CALN1: variants seen among roughly 807,000 people sequenced by gnomAD.
CALN1 encodes the protein calcium-binding protein 8.
Under a neutral mutation model 30.6 loss-of-function variants are expected in CALN1, and 17 were observed. The ratio of observed to expected loss-of-function variants is 0.56; its 90% CI spans 0.38 to 0.83. The LOEUF (loss-of-function observed/expected upper bound fraction) is 0.83. Among genes scored for constraint, CALN1 ranks in the 40% least tolerant of loss-of-function variants. The pLI is 0.00. For missense variants in CALN1, 291 were observed against 354.9 expected, an observed-to-expected ratio of 0.82 and a Z score of 1.45; for synonymous variants, 156 against 131.4, an observed-to-expected ratio of 1.19 and a Z score of -1.28.
chr7:71,930,013 T>TTA (rs1418068729), intron 5 of CALN1, among the ~76,000 whole-genome samples: 4 of 152,226 alleles, frequency 2.6e-5, no homozygotes, highest in African/African-American at 9.7e-5. Flanking sequence ...TACGCACATG[T>TTA]TCCTGTATAC....
intron 5 of CALN1, among the ~76,000 whole-genome samples, chr7:71,850,182 G>A (rs1201989160): frequency 6.6e-6 from 1 of 152,196 alleles, no homozygotes; most frequent in Admixed American, 6.5e-5. Context: ...TATATCAAGA[G>A]ATCTGAGTGC....
chr7:72,022,963 C>T (rs903575077), intron 5 of CALN1, among the ~76,000 whole-genome samples: 3 of 148,638 alleles, frequency 2.0e-5, no homozygotes, highest in Admixed American at 6.7e-5. Context: ...AAAAATCATG[C>T]TGTGTCTGAA....
intron 5 of CALN1, among the ~76,000 whole-genome samples, chr7:71,928,168 G>C (rs531326334): frequency 1.3e-5 from 2 of 152,292 alleles, no homozygotes; most frequent in South Asian, 4.1e-4. Flanking sequence ...TTTCTTGTGA[G>C]TGCACAACGG....
chr7:72,231,630 T>G (rs1794106928), intron 3 of CALN1, among the ~76,000 whole-genome samples: 1 of 152,124 alleles, frequency 6.6e-6, no homozygotes, highest in South Asian at 2.1e-4. Flanking sequence ...GATATTTTAT[T>G]GCTATTGTTG....
chr7:72,314,180 C>A (rs1484434455), intron 2 of CALN1, among the ~76,000 whole-genome samples: 1 of 152,132 alleles, frequency 6.6e-6, no homozygotes, highest in Admixed American at 6.5e-5. Flanking sequence ...GGGCCCTCTG[C>A]CACCATCCCC....
chr7:71,943,256 C>T (rs1419458331), intron 5 of CALN1, among the ~76,000 whole-genome samples: 4 of 152,190 alleles, frequency 2.6e-5, no homozygotes, highest in Non-Finnish European at 5.9e-5. Context: ...TTAAAACACA[C>T]ACGCGAAACA....
chr7:72,168,241 A>C (rs1360657116), intron 3 of CALN1, among the ~76,000 whole-genome samples: 1 of 152,216 alleles, frequency 6.6e-6, no homozygotes, highest in Non-Finnish European at 1.5e-5. Context: ...AGCAAAAAAA[A>C]AAAAAAAGAA....
chr7:72,477,300 G>A, the CALN1 span, among the ~76,000 whole-genome samples: 1 of 152,178 alleles, frequency 6.6e-6, no homozygotes. Context: ...TTGTATTAGG[G>A]GAGCAAAGAA....
chr7:71,878,312 G>A (rs1022029555), intron 5 of CALN1, among the ~76,000 whole-genome samples: 5 of 151,886 alleles, frequency 3.3e-5, no homozygotes, highest in Non-Finnish European at 7.4e-5. Flanking sequence ...GGAGGCAGGA[G>A]AATTGCCTGA....
chr7:72,110,739 A>G (rs576260414), intron 3 of CALN1, among the ~76,000 whole-genome samples: 1 of 152,078 alleles, frequency 6.6e-6, no homozygotes, highest in Non-Finnish European at 1.5e-5. Context: ...GGGAGAGTTA[A>G]TGTTTCTAGG....
At chr7:71,798,007 G>A (rs1458760132) in intron 6 of CALN1, among the ~76,000 whole-genome samples, 1 of 151,486 alleles carries the variant, frequency 6.6e-6, no homozygotes, top group East Asian at 2.0e-4. Context: ...GAGCTAACAG[G>A]GAGTTAAAAA....
At chr7:72,080,497 A>C (rs1485965064) in intron 4 of CALN1, among the ~76,000 whole-genome samples, 2 of 152,202 alleles carry the variant, frequency 1.3e-5, no homozygotes, top group African/African-American at 4.8e-5. Context: ...GGGATGGCAC[A>C]TAGAGGGTGT....
At chr7:72,370,477 A>T (rs865807904) in intron 2 of CALN1, among the ~76,000 whole-genome samples, 53 of 151,654 alleles carry the variant, frequency 3.5e-4, no homozygotes, top group African/African-American at 1.2e-3. Flanking sequence ...ACACGGTAAA[A>T]CCCCGTCTCT....
At chr7:72,434,615 G>A (rs1013338046) in intron 1 of CALN1, among the ~76,000 whole-genome samples, 1 of 152,094 alleles carries the variant, frequency 6.6e-6, no homozygotes, top group African/African-American at 2.4e-5. Flanking sequence ...AATTTACAAA[G>A]AATGGTAGAA....
chr7:72,281,894 G>A (rs1797754312), intron 2 of CALN1, among the ~76,000 whole-genome samples: 1 of 152,056 alleles, frequency 6.6e-6, no homozygotes, highest in African/African-American at 2.4e-5. Flanking sequence ...AGAGAAAACT[G>A]GTCACAACTG....
At chr7:72,251,906 C>G (rs2129552126) in intron 3 of CALN1, among the ~76,000 whole-genome samples, 1 of 152,158 alleles carries the variant, frequency 6.6e-6, no homozygotes, top group South Asian at 2.1e-4. Flanking sequence ...TTGCATGTGA[C>G]TCTACACACA....
chr7:71,920,703 T>A (rs1794901108), intron 5 of CALN1, among the ~76,000 whole-genome samples: 2 of 152,276 alleles, frequency 1.3e-5, no homozygotes, highest in South Asian at 4.1e-4. Flanking sequence ...TTTCTCCATG[T>A]GTAGTTTTAT....
At chr7:72,317,148 G>T (rs1800537834) in intron 2 of CALN1, among the ~76,000 whole-genome samples, 1 of 124,154 alleles carries the variant, frequency 8.1e-6, no homozygotes, top group African/African-American at 3.0e-5. Context: ...GAGAAGGCAG[G>T]GAAGAAGGGA....
intron 4 of CALN1, among the ~76,000 whole-genome samples, chr7:72,094,464 G>C (rs1362683086): frequency 2.0e-5 from 3 of 152,084 alleles, no homozygotes; most frequent in Non-Finnish European, 2.9e-5. Context: ...CTGTTGGTCA[G>C]GCTGGTCTCG....
Sources: allele counts gnomAD v4.1 joint callset (sites outside exome capture counted in the v4.1 genomes callset), GRCh38; gene constraint gnomAD v4.1.1; transcripts MANE v1.5; gene names NCBI Gene and HGNC (gene_info 2026-07-23, HGNC 2026-07-21).